The following SAMD12 variants were observed in gnomAD, a reference collection of about 807,000 sequenced individuals.
SAMD12 encodes the protein sterile alpha motif domain containing 12, also known as sterile alpha motif domain-containing protein 12.
A neutral mutation model predicts 15.0 loss-of-function variants in SAMD12; 9 were observed. That is an observed-to-expected ratio of 0.60 (90% CI 0.36 to 1.05). The LOEUF (loss-of-function observed/expected upper bound fraction) is 1.05. Among genes scored for constraint, SAMD12 ranks in the 50% least tolerant of loss-of-function variants. The probability of loss-of-function intolerance (pLI) is 0.01; values close to 1 mark genes in which losing one functional copy is unlikely to be tolerated. For missense variants in SAMD12, 230 were observed against 234.2 expected, an observed-to-expected ratio of 0.98 and a Z score of 0.12; for synonymous variants, 86 against 90.1, an observed-to-expected ratio of 0.96 and a Z score of 0.25.
chr8:118,472,192 C>A (rs776885554), intron 2 of SAMD12, among the ~76,000 whole-genome samples: 1 of 151,446 alleles, frequency 6.6e-6, no homozygotes, highest in South Asian at 2.1e-4. Context: ...GAGGCTGAGG[C>A]AGGAGTATGG....
At chr8:118,409,269 C>T (rs895564936) in intron 3 of SAMD12, among the ~76,000 whole-genome samples, 2 of 152,050 alleles carry the variant, frequency 1.3e-5, no homozygotes, top group Non-Finnish European at 2.9e-5. Context: ...TTGACTAGAT[C>T]ATTGACGAGA....
chr8:118,239,910 G>T (rs1030005567), intron 4 of SAMD12: 1 of 152,156 alleles, frequency 6.6e-6, no homozygotes, highest in African/African-American at 2.4e-5. Flanking sequence ...GGACATGGAG[G>T]TAATTAGGCA....
chr8:118,530,286 A>G (rs1175144686), intron 2 of SAMD12, among the ~76,000 whole-genome samples: 1 of 152,162 alleles, frequency 6.6e-6, no homozygotes, highest in Non-Finnish European at 1.5e-5. Context: ...TGTGTGTCAC[A>G]GGGGTTTGGT....
downstream of SAMD12, among the ~76,000 whole-genome samples, chr8:118,377,103 T>A (rs1380593154): frequency 6.6e-6 from 1 of 151,920 alleles, no homozygotes; most frequent in Non-Finnish European, 1.5e-5. Context: ...ATAACATGAG[T>A]TTGAGCATTA....
At chr8:118,527,609 C>T (rs4498586) in intron 2 of SAMD12, among the ~76,000 whole-genome samples, 87,938 of 151,964 alleles carry the variant, frequency 0.58, 25,741 homozygotes, top group South Asian at 0.7. Context: ...ATAGTGATAG[C>T]AGCTATCTTT....
At chr8:118,548,382 C>T (rs11778256) in intron 2 of SAMD12, among the ~76,000 whole-genome samples, 2,454 of 106,722 alleles carry the variant, frequency 0.023, 37 homozygotes, top group South Asian at 0.1. Context: ...TAAAAACACA[C>T]ATACACACAC....
intron 4 of SAMD12, among the ~76,000 whole-genome samples, chr8:118,251,324 A>T (rs1488685308): frequency 6.6e-6 from 1 of 152,174 alleles, no homozygotes; most frequent in Non-Finnish European, 1.5e-5. Context: ...ACAGAGAAGC[A>T]CCAGGCATCT....
At chr8:118,281,321 G>A (rs1414676988) in intron 4 of SAMD12, among the ~76,000 whole-genome samples, 1 of 152,182 alleles carries the variant, frequency 6.6e-6, no homozygotes, top group Non-Finnish European at 1.5e-5. Context: ...CAGTGCATGT[G>A]TCTAGTGGGG....
chr8:118,335,895 C>G (rs1817033553), intron 4 of SAMD12, among the ~76,000 whole-genome samples: 2 of 152,062 alleles, frequency 1.3e-5, no homozygotes, highest in South Asian at 4.1e-4. Context: ...CACCACTAGC[C>G]CTCTAAGTTT....
the SAMD12 span, among the ~76,000 whole-genome samples, chr8:118,173,107 C>T: frequency 1.3e-5 from 2 of 152,342 alleles, no homozygotes; most frequent in African/African-American, 4.8e-5. Context: ...ACAAGCTCCC[C>T]TTTCCTGTTG....
chr8:118,499,437 T>C (rs1824715461), intron 2 of SAMD12, among the ~76,000 whole-genome samples: 1 of 152,182 alleles, frequency 6.6e-6, no homozygotes, highest in Non-Finnish European at 1.5e-5. Context: ...CCTGACCTAT[T>C]TCCAGCTCCA....
intron 3 of SAMD12, among the ~76,000 whole-genome samples, chr8:118,423,179 A>T (rs1478354202): frequency 6.6e-6 from 1 of 152,168 alleles, no homozygotes; most frequent in Non-Finnish European, 1.5e-5. Context: ...AATGATACCC[A>T]AGAGAGGAAA....
chr8:118,342,835 A>C (rs1036134431), intron 4 of SAMD12, among the ~76,000 whole-genome samples: 1 of 152,220 alleles, frequency 6.6e-6, no homozygotes, highest in Non-Finnish European at 1.5e-5. Context: ...ATTCAATTAC[A>C]TCAACAGGCT....
At chr8:118,446,914 T>C (rs1282241443) in intron 2 of SAMD12, among the ~76,000 whole-genome samples, 7 of 152,200 alleles carry the variant, frequency 4.6e-5, no homozygotes, top group African/African-American at 1.7e-4. Flanking sequence ...TATATACATA[T>C]GCAACTGATG....
At chr8:118,538,759 C>G (rs1404822944) in intron 2 of SAMD12, among the ~76,000 whole-genome samples, 3 of 152,134 alleles carry the variant, frequency 2.0e-5, no homozygotes, top group East Asian at 3.9e-4. Context: ...TACGAAGGTG[C>G]TCTTTGTGTG....
chr8:118,406,819 T>C (rs556560503), intron 3 of SAMD12, among the ~76,000 whole-genome samples: 5 of 152,040 alleles, frequency 3.3e-5, no homozygotes, highest in Non-Finnish European at 7.4e-5. Context: ...CTTAGCATAA[T>C]GTCCTCGAGG....
At chr8:118,275,144 T>C (rs1813442417) in intron 4 of SAMD12, among the ~76,000 whole-genome samples, 4 of 152,204 alleles carry the variant, frequency 2.6e-5, no homozygotes, top group Non-Finnish European at 4.4e-5. Context: ...AATCTATTCA[T>C]AGTTTTGTTA....
intron 2 of SAMD12, among the ~76,000 whole-genome samples, chr8:118,522,840 A>G (rs1383614348): frequency 1.3e-5 from 2 of 152,218 alleles, no homozygotes; most frequent in Non-Finnish European, 2.9e-5. Flanking sequence ...AATAGCCATA[A>G]GAAGGTTATC....
rs566733257 is a variant in SAMD12 at position 118,204,628 on chromosome 8, C to T, written c.434-6896G>A. ...AATTAGCCAGGCGTGGCGGCCGGCA[C>T]CTGTGGTCCCAGCTATGCAGGAGGC... On this transcript the variant is annotated intron_variant, in intron 4 of 4. Coordinates refer to the SAMD12 transcript ENST00000409003. Among the ~76,000 whole-genome samples the T allele has an allele frequency of 7.2e-5, 11 of 152,172 alleles. No individual in the cohort carries two copies. The South Asian group carries it at 1.7e-3, about 23-fold the overall frequency.
Sources: allele counts gnomAD v4.1 joint callset (sites outside exome capture counted in the v4.1 genomes callset), GRCh38; gene constraint gnomAD v4.1.1; transcripts MANE v1.5; gene names NCBI Gene and HGNC (gene_info 2026-07-23, HGNC 2026-07-21).